The following ADORA2A variants were observed in gnomAD, a reference collection of about 807,000 sequenced individuals.
The protein encoded by ADORA2A is adenosine receptor A2a.
Under a neutral mutation model 18.4 loss-of-function variants are expected in ADORA2A, and 11 were observed. The ratio of observed to expected loss-of-function variants is 0.60; its 90% CI spans 0.38 to 0.99. The LOEUF (loss-of-function observed/expected upper bound fraction) is 0.99, where lower values mean the gene tolerates loss of function less well. Ranked by LOEUF, ADORA2A falls within the 50% of genes least tolerant of loss-of-function variation. ADORA2A has a pLI of 0.01. For synonymous variants in ADORA2A, 218 were observed against 237.3 expected (o/e 0.92, Z 0.75); for missense variants, 449 against 556.1 (o/e 0.81, Z 1.94).
intron 1 of ADORA2A, chr22:24,431,396 C>T: frequency 2.2e-6 from 1 of 456,746 alleles, no homozygotes; most frequent in Non-Finnish European, 4.4e-6. Flanking sequence ...CTGTTCCAGC[C>T]ACTTGAGGTG....
Position 24,441,039 on chromosome 22 carries a change from C to T in ADORA2A, c.789C>T (p.Ser263=). ...NCFTFFCPDC[S]HAPLWLMYLA... ...TCACTTTCTTCTGCCCCGACTGCAG[C>T]CACGCCCCTCTCTGGCTCATGTACC... Residue 263 remains serine (S), a synonymous_variant, in exon 3 of 3, where the codon AGC becomes AGT. Coordinates refer to ENST00000337539, the MANE Select transcript of ADORA2A (RefSeq NM_000675.6). The T allele has an allele frequency of 6.2e-7, 1 of 1,614,192 alleles. No individual in the cohort carries two copies. The highest frequency in any genetic ancestry group is 1.1e-5 in the South Asian group (1 of 91,088).
Position 24,440,583 on chromosome 22 carries a change from G to T in ADORA2A, c.333G>T (p.Arg111=). 1 of 1,556,066 alleles carries T rather than the reference G, an allele frequency of 6.4e-7. No individual in the cohort carries two copies. Among genetic ancestry groups the T allele is most frequent in the East Asian group, 2.3e-5 (1 of 44,374 alleles). Reference sequence around the variant, plus strand: ...TCTGATGCTGGTCTCTTCTCCCCAGGTACAATGGCTTGGTGACCGGCACGA... The same window carrying T: ...TCTGATGCTGGTCTCTTCTCCCCAGTTACAATGGCTTGGTGACCGGCACGA... ...DRYIAIRIPL[R]YNGLVTGTRA... The change falls in exon 3 of 3, where the codon CGG becomes CGT. Residue 111 remains arginine, a splice_region_variant and synonymous_variant. Coordinates refer to ENST00000337539, the MANE Select transcript of ADORA2A (RefSeq NM_000675.6).
chr22:24,434,171 T>C (rs569239438), intron 2 of ADORA2A, among the ~76,000 whole-genome samples: 3 of 152,266 alleles, frequency 2.0e-5, no homozygotes, highest in East Asian at 1.9e-4. Flanking sequence ...GGGGAAACCA[T>C]AGGACCTCAG....
chr22:24,440,858 C>T lies in ADORA2A; in HGVS notation c.608C>T (p.Ala203Val), dbSNP rs780599770. The change falls in exon 3 of 3, where the codon GCG becomes GTG. Residue 203 changes from alanine (A) to valine (V), a missense_variant. Physicochemically the swap from Ala to Val is moderately conservative, Grantham distance 64 (BLOSUM62 0). Coordinates refer to ENST00000337539, the MANE Select transcript of ADORA2A (RefSeq NM_000675.6). ...GGTGTCTATTTGCGGATCTTCCTGG[C>T]GGCGCGACGACAGCTGAAGCAGATG... is the stretch of plus-strand genomic sequence containing the variant. ...MLGVYLRIFLAARRQLKQMES... is the reference protein window; with the variant it reads ...MLGVYLRIFLVARRQLKQMES... The T allele has an allele frequency of 5.6e-6, 9 of 1,614,146 alleles. No individual in the cohort carries two copies. Among genetic ancestry groups the T allele is most frequent in the Non-Finnish European group, 6.8e-6 (8 of 1,180,018 alleles).
intron 1 of ADORA2A, among the ~76,000 whole-genome samples, chr22:24,428,184 G>A (rs1055355734): frequency 1.3e-5 from 2 of 152,194 alleles, no homozygotes; most frequent in African/African-American, 2.4e-5. Flanking sequence ...GGGGCCCTGG[G>A]TTCTGGGAGG....
rs1420310898 is a variant in ADORA2A, at chr22:24,441,851, G to A, written c.*362G>A. ...ACTGGCCTGGCCCTGAGACTGGGGA[G>A]TGGCTCCAACAGCCTCCTGCCACCC... On this transcript the variant is annotated 3_prime_UTR_variant, in exon 3 of 3. Transcript: ENST00000337539. 4.9e-6 allele frequency: 1 copy of A among 203,234 alleles called. No homozygotes were observed. Among genetic ancestry groups the A allele is most frequent in the East Asian group, 1.1e-4 (1 of 8,810 alleles). The allele number at this position is 203,234 out of a possible 1,614,324, so 12.6% of individuals were successfully genotyped here. A position where few individuals can be genotyped will look rare whatever the true frequency, so the allele number is the denominator to read the frequency against.
intron 1 of ADORA2A, among the ~76,000 whole-genome samples, chr22:24,428,667 G>A (rs1356893762): frequency 6.6e-6 from 1 of 152,012 alleles, no homozygotes; most frequent in Non-Finnish European, 1.5e-5. Flanking sequence ...TTTTTATTCT[G>A]TTGCTTACCT....
At chr22:24,424,732 G>A (rs1213131994), upstream of ADORA2A, among the ~76,000 whole-genome samples, 1 of 152,192 alleles carries the variant, frequency 6.6e-6, no homozygotes, top group African/African-American at 2.4e-5. This position sits in a 1 kb window ranked among gnomAD's most constrained non-coding sequence, Gnocchi z 4.9. Context: ...GACTGGCCCC[G>A]GCCGTCTGTC....
intron 2 of ADORA2A, among the ~76,000 whole-genome samples, chr22:24,434,648 T>G (rs1265665047): frequency 6.6e-6 from 1 of 152,160 alleles, no homozygotes; most frequent in Non-Finnish European, 1.5e-5. Context: ...AGGTGGTGCC[T>G]CTTGAGAGTC....
intron 1 of ADORA2A, chr22:24,432,795 T>C (rs1164822927): frequency 6.4e-6 from 1 of 156,458 alleles, no homozygotes; most frequent in African/African-American, 2.4e-5. Context: ...GAGAAGGGGC[T>C]GCCTCCTTGG....
intron 2 of ADORA2A, among the ~76,000 whole-genome samples, chr22:24,438,916 G>A (rs1414920853): frequency 6.6e-6 from 1 of 152,094 alleles, no homozygotes; most frequent in East Asian, 1.9e-4. Context: ...AATAGCAGGC[G>A]TACGTTTTGC....
At position 24,433,736 on chromosome 22, in the gene ADORA2A, G is replaced by A. The variant is rs371239469; in HGVS notation, c.332G>A (p.Arg111Gln). 5 of 1,603,494 alleles carry A rather than the reference G, an allele frequency of 3.1e-6. No individual in the cohort carries two copies. Among genetic ancestry groups the A allele is most frequent in the African/African-American group, 1.3e-5 (1 of 74,946 alleles). Reference sequence around the variant, plus strand: ...TACATTGCCATCCGCATCCCGCTCCGGTGAGCAGGGCCGGGGTTACATCTG... The same window carrying A: ...TACATTGCCATCCGCATCCCGCTCCAGTGAGCAGGGCCGGGGTTACATCTG... The part of the protein sequence containing the change: ...DRYIAIRIPL[R>Q]YNGLVTGTRA... The change falls in exon 2 of 3, where the codon CGG (arginine) becomes CAG (glutamine). Residue 111 changes from arginine to glutamine, a missense_variant and splice_region_variant. By Grantham distance (43) the Arg-to-Gln change is conservative. Coordinates refer to ENST00000337539, the MANE Select transcript of ADORA2A (RefSeq NM_000675.6).
chr22:24,435,418 T>C (rs1422664710), intron 2 of ADORA2A, among the ~76,000 whole-genome samples: 3 of 152,228 alleles, frequency 2.0e-5, no homozygotes, highest in African/African-American at 7.2e-5. Flanking sequence ...GGCCAAGCTC[T>C]CACTTTTTTC....
In ADORA2A at chr22:24,440,155, G is replaced by A. The variant is rs117273975; in HGVS notation, c.333-428G>A. Among the ~76,000 whole-genome samples, 59 of 152,276 alleles carry A rather than the reference G, an allele frequency of 3.9e-4. 2 individuals are homozygous for A. In the East Asian group the frequency reaches 9.5e-3, roughly 24 times the overall value. On this transcript the variant is annotated intron_variant, in intron 2 of 2. Transcript: ENST00000337539. ...GCCTTAACCAAGATCAACCAACATG[G>A]AGGTGACTGATCTTGGTTAAGGCTG...
intron 1 of ADORA2A, among the ~76,000 whole-genome samples, chr22:24,429,029 C>T (rs1451290971): frequency 1.3e-5 from 2 of 152,246 alleles, no homozygotes; most frequent in Non-Finnish European, 2.9e-5. Context: ...GGTCCGAGTC[C>T]GTGCACTGTG....
chr22:24,441,240 C>T lies in ADORA2A; in HGVS notation c.990C>T (p.Asp330=), dbSNP rs768629854. 1.6e-5 allele frequency: 26 copies of T among 1,613,454 alleles called. No homozygotes were observed. Among genetic ancestry groups the T allele is most frequent in the East Asian group, 2.2e-5 (1 of 44,892 alleles). Residue 330 remains aspartate, a synonymous_variant, in exon 3 of 3, where the codon GAC becomes GAT. Coordinates refer to ENST00000337539, the MANE Select transcript of ADORA2A (RefSeq NM_000675.6). ...SARVLAAHGS[D]GEQVSLRLNG... is the part of the protein sequence containing the mutation. ...GGGTCTTGGCAGCTCATGGCAGTGA[C>T]GGAGAGCAGGTCAGCCTCCGTCTCA...
chr22:24,429,634 G>T (rs962205856), intron 1 of ADORA2A: 1 of 152,272 alleles, frequency 6.6e-6, no homozygotes, highest in African/African-American at 2.4e-5. Context: ...CTCTCTGTGC[G>T]CACGGCCGCA....
intron 2 of ADORA2A, among the ~76,000 whole-genome samples, chr22:24,436,253 G>A (rs527570579): frequency 9.9e-5 from 15 of 152,242 alleles, no homozygotes; most frequent in Admixed American, 3.9e-4. Flanking sequence ...CCTGGCCGGC[G>A]CTGGAGTCAC....
Position 24,433,560 on chromosome 22 carries a change from C to T in ADORA2A, c.156C>T (p.Asp52=). Residue 52 remains aspartate, a synonymous_variant, in exon 2 of 3, where the codon GAC becomes GAT. Transcript: ENST00000337539. The part of the protein sequence containing the change: ...NYFVVSLAAA[D]IAVGVLAIPF... The stretch of plus-strand genomic sequence containing the variant: ...TTGTGGTGTCACTGGCGGCGGCCGA[C>T]ATCGCAGTGGGTGTGCTCGCCATCC... 1 of 1,614,114 alleles carries T rather than the reference C, an allele frequency of 6.2e-7. No homozygotes were observed.
Sources: gnomAD v4.1 joint callset for allele counts (sites outside exome capture counted in the v4.1 genomes callset) on GRCh38, gnomAD v4.1.1 for gene constraint, Gnocchi (gnomAD v3.1) non-coding constraint, MANE v1.5 for transcripts, NCBI Gene and HGNC (gene_info 2026-07-23, HGNC 2026-07-21) for gene names.